The following ITGA2 variants were observed in gnomAD, a reference collection of about 807,000 sequenced individuals.
The protein encoded by ITGA2 is integrin subunit alpha 2, also known as integrin alpha-2.
ITGA2 carries 101 observed loss-of-function variants against 146.3 expected under a neutral mutation model. The ratio of observed to expected loss-of-function variants is 0.69; its 90% CI spans 0.59 to 0.81. The LOEUF (loss-of-function observed/expected upper bound fraction) is 0.81, where lower values mean the gene tolerates loss of function less well. Among genes scored for constraint, ITGA2 ranks in the 40% least tolerant of loss-of-function variants. The pLI, the probability that ITGA2 is intolerant of heterozygous loss-of-function variation, is 0.00. For synonymous variants in ITGA2, 477 were observed against 487.1 expected (o/e 0.98, Z 0.27); for missense variants, 1,281 against 1,402.7 (o/e 0.91, Z 1.39).
intron 3 of ITGA2, among the ~76,000 whole-genome samples, chr5:53,042,709 C>T (rs1743864933): frequency 6.6e-6 from 1 of 152,134 alleles, no homozygotes; most frequent in African/African-American, 2.4e-5. Flanking sequence ...ATCCCCATCT[C>T]AGATGCCTCC....
intron 8 of ITGA2, 99 bp downstream of exon 8, chr5:53,055,787 G>A: frequency 7.0e-7 from 1 of 1,432,046 alleles, no homozygotes. Context: ...GCTGTTCATA[G>A]TTGAATATAA....
chr5:53,048,537 G>T (rs140105624), intron 5 of ITGA2, 60 bp downstream of exon 5: 404 of 1,606,688 alleles, frequency 2.5e-4, no homozygotes, highest in African/African-American at 2.3e-3. Flanking sequence ...AGGGGGAAAA[G>T]GTTATCAACT....
chr5:53,041,115 T>TA (rs3212432), intron 2 of ITGA2, among the ~76,000 whole-genome samples: 37,306 of 151,940 alleles, frequency 0.25, 5,526 homozygotes, highest in South Asian at 0.33. Context: ...CCCTTCCCAA[T>TA]ACTGACATGA....
intron 16 of ITGA2, 140 bp downstream of exon 16, chr5:53,067,397 GC>G: frequency 2.4e-6 from 2 of 849,178 alleles, no homozygotes; most frequent in South Asian, 2.9e-5. Context: ...CACTGGAGAT[GC>G]CCGAGAATGG....
intron 3 of ITGA2, among the ~76,000 whole-genome samples, chr5:53,043,212 A>T (rs1561116050): frequency 6.6e-6 from 1 of 151,748 alleles, no homozygotes; most frequent in East Asian, 1.9e-4. Flanking sequence ...ATATATATAT[A>T]TTTCTAATAA....
chr5:52,994,555 A>G (rs556068681), intron 1 of ITGA2, among the ~76,000 whole-genome samples: 1 of 152,346 alleles, frequency 6.6e-6, no homozygotes, highest in South Asian at 2.1e-4. Context: ...TGTCAAGTTT[A>G]TATGTGAAAT....
At chr5:53,000,566 A>G (rs762471282) in intron 1 of ITGA2, among the ~76,000 whole-genome samples, 40 of 152,052 alleles carry the variant, frequency 2.6e-4, no homozygotes, top group Non-Finnish European at 5.0e-4. Flanking sequence ...CTTTTATCCT[A>G]TATTACTGTT....
intron 1 of ITGA2, among the ~76,000 whole-genome samples, chr5:52,993,453 C>A (rs1382938779): frequency 6.6e-6 from 1 of 152,140 alleles, no homozygotes; most frequent in Non-Finnish European, 1.5e-5. Context: ...CACTGCCTCC[C>A]CACTTTCCTA....
intron 2 of ITGA2, among the ~76,000 whole-genome samples, chr5:53,038,654 T>C (rs1743619910): frequency 1.3e-5 from 2 of 152,302 alleles, no homozygotes; most frequent in Non-Finnish European, 1.5e-5. Flanking sequence ...TTCCTGCAGC[T>C]AAGAGGAAGG....
chr5:53,016,675 T>C (rs968135530), intron 1 of ITGA2, among the ~76,000 whole-genome samples: 1 of 152,200 alleles, frequency 6.6e-6, no homozygotes, highest in Admixed American at 6.5e-5. Context: ...TATCCTCAAA[T>C]ATGTTTTCCA....
chr5:53,040,851 G>T (rs2111879818), intron 2 of ITGA2, among the ~76,000 whole-genome samples: 1 of 151,786 alleles, frequency 6.6e-6, no homozygotes, highest in South Asian at 2.1e-4. Flanking sequence ...TCATCCTTTG[G>T]TGTCCATTTT....
Position 53,042,176 on chromosome 5 carries a change from C to G in ITGA2, c.250C>G (p.Pro84Ala), listed in dbSNP as rs576511920. Reference protein sequence around the residue: ...ENRMGDVYKCPVDLSTATCEK... With the variant: ...ENRMGDVYKCAVDLSTATCEK... ...CCGAATGGGAGATGTGTATAAATGT[C>G]CTGTTGACCTATCCACTGCCACATG... The change falls in exon 3 of 30, where the codon CCT (proline) becomes GCT (alanine). Residue 84 changes from proline to alanine, a missense_variant. Physicochemically the swap from Pro to Ala is conservative, Grantham distance 27. This residue lies in a region of ITGA2 where 795 missense variants were observed against 841.7 expected (regional missense o/e 0.94). Transcript: ENST00000296585. 8 of 1,613,316 alleles carry G rather than the reference C, an allele frequency of 5.0e-6. No individual in the cohort carries two copies. In the African/African-American group the frequency reaches 8.0e-5, roughly 16 times the overall value.
intron 11 of ITGA2, 21 bp downstream of exon 11, chr5:53,060,033 G>T: frequency 1.9e-6 from 3 of 1,611,218 alleles, no homozygotes; most frequent in Non-Finnish European, 2.5e-6. Flanking sequence ...GTAATAATTG[G>T]CTCAGCAAAC....
At chr5:53,032,228 A>G (rs563307158) in intron 2 of ITGA2, among the ~76,000 whole-genome samples, 1 of 152,296 alleles carries the variant, frequency 6.6e-6, no homozygotes, top group South Asian at 2.1e-4. Flanking sequence ...ATTGAGAAAA[A>G]CTTTAATAAA....
At position 53,072,606 on chromosome 5, in the gene ITGA2, T is replaced by C. The variant is rs756804279; in HGVS notation, c.2347-7T>C. Reference sequence around the variant, plus strand: ...CAAATGTATGGATCTTTTTTCCTTTTTCGTAGATTCCTTTCCACAAAGACT... The same window carrying C: ...CAAATGTATGGATCTTTTTTCCTTTCTCGTAGATTCCTTTCCACAAAGACT... On this transcript the variant is annotated splice_polypyrimidine_tract_variant and splice_region_variant and intron_variant, in intron 18 of 29. Coordinates refer to ENST00000296585, the MANE Select transcript of ITGA2 (RefSeq NM_002203.4). 2.5e-6 allele frequency: 4 copies of C among 1,607,970 alleles called. No homozygotes were observed. Among genetic ancestry groups the C allele is most frequent in the Non-Finnish European group, 3.4e-6 (4 of 1,176,518 alleles).
chr5:53,008,743 C>T (rs1741978923), intron 1 of ITGA2, among the ~76,000 whole-genome samples: 1 of 152,098 alleles, frequency 6.6e-6, no homozygotes, highest in Non-Finnish European at 1.5e-5. Context: ...TCCGTGAACT[C>T]CCAGGAGATG....
At chr5:52,995,951 A>G (rs1579770772) in intron 1 of ITGA2, among the ~76,000 whole-genome samples, 2 of 152,174 alleles carry the variant, frequency 1.3e-5, no homozygotes, top group African/African-American at 2.4e-5. Context: ...GCACAGAACT[A>G]TTTGGAGAAG....
intron 1 of ITGA2, among the ~76,000 whole-genome samples, chr5:53,012,567 T>A (rs1742188786): frequency 6.6e-6 from 1 of 152,160 alleles, no homozygotes; most frequent in Non-Finnish European, 1.5e-5. Context: ...AACATAGGCA[T>A]GCATGTGTCT....
intron 23 of ITGA2, among the ~76,000 whole-genome samples, chr5:53,076,802 A>G (rs1745683306): frequency 6.6e-6 from 1 of 152,074 alleles, no homozygotes. Context: ...AATGTATTCT[A>G]ATGTTCTTTA....
Sources: allele counts gnomAD v4.1 joint callset (sites outside exome capture counted in the v4.1 genomes callset), GRCh38; gene constraint gnomAD v4.1.1; regional missense constraint gnomAD v4.1.1; transcripts MANE v1.5; gene names NCBI Gene and HGNC (gene_info 2026-07-23, HGNC 2026-07-21).